The following CDKL5 variants were observed in gnomAD, a reference collection of about 807,000 sequenced individuals.
CDKL5 encodes cyclin-dependent kinase-like 5.
CDKL5 carries 8 observed loss-of-function variants against 61.7 expected under a neutral mutation model. The observed-to-expected ratio is 0.13, with a 90% CI of 0.08 to 0.23. The LOEUF (loss-of-function observed/expected upper bound fraction) is 0.23, where lower values mean the gene tolerates loss of function less well. Among genes scored for constraint, CDKL5 ranks in the 10% least tolerant of loss-of-function variants. CDKL5 has a pLI of 1.00. For missense variants in CDKL5, 440 were observed against 734.5 expected, an observed-to-expected ratio of 0.60 and a Z score of 4.63; for synonymous variants, 275 against 272.3, an observed-to-expected ratio of 1.01 and a Z score of -0.10.
intron 1 of CDKL5, among the ~76,000 whole-genome samples, chrX:18,464,042 A>T (rs988927820): frequency 9.3e-6 from 1 of 107,491 alleles, no homozygotes; most frequent in South Asian, 4.0e-4. Flanking sequence ...TTTTTTTTTT[A>T]AAGAAATTAT....
Position 18,604,961 on chromosome X carries a change from A to AT in CDKL5, c.1944+93_1944+94insT, listed in dbSNP as rs199988024. 10,415 of 1,019,306 alleles carry AT rather than the reference A, an allele frequency of 0.01. 579 individuals carry two copies. The African/African-American group carries it at 0.17, about 16-fold the overall frequency. 84.0% of individuals were successfully genotyped at this position (1,019,306 alleles called of 1,213,427 possible). On this transcript the variant is annotated intron_variant, in intron 12 of 17. Transcript: ENST00000623535. ...GGGTCCATCTACTATTTTCCCTACT[A>AT]CAGGAGGTTGTGCTTTTCTTGATAG...
rs2147180336 is a variant in CDKL5 at position 18,630,402 on chromosome X, G to A, written c.*1645G>A. 1.3e-6 allele frequency: 1 copy of A among 749,764 alleles called. No homozygotes were observed. The highest frequency in any genetic ancestry group is 1.6e-6 in the Non-Finnish European group (1 of 637,524). The allele number at this position is 749,764 out of a possible 1,213,427, so 61.8% of individuals were successfully genotyped here. ...GTCTCTGAGCAATAATACTTTTAAA[G>A]GTCCCTCCCACCCCTCAAAGAGATA... On this transcript the variant is annotated 3_prime_UTR_variant, in exon 18 of 18. Transcript: ENST00000623535.
At chrX:18,556,163 T>C (rs1924595313) in intron 3 of CDKL5, among the ~76,000 whole-genome samples, 1 of 112,178 alleles carries the variant, frequency 8.9e-6, no homozygotes. Flanking sequence ...ACTTTTGGAC[T>C]AAGTTATTTT....
chrX:18,584,381 C>T, intron 8 of CDKL5, 28 bp downstream of exon 8: 1 of 910,763 alleles, frequency 1.1e-6, no homozygotes, highest in East Asian at 3.1e-5. Context: ...AATAGAATGA[C>T]ATTTCCACAT....
At chrX:18,507,688 C>T (rs1411602331) in intron 2 of CDKL5, among the ~76,000 whole-genome samples, 1 of 110,997 alleles carries the variant, frequency 9.0e-6, no homozygotes, top group Non-Finnish European at 1.9e-5. Flanking sequence ...TCTCCTGCCT[C>T]AGCCTCCTGA....
rs2147186088 is a variant in CDKL5, at chrX:18,638,846, G to A, written c.*10089G>A. On this transcript the variant is annotated 3_prime_UTR_variant, in exon 18 of 18. Coordinates refer to ENST00000623535, the MANE Select transcript of CDKL5 (RefSeq NM_001323289.2). ...CTACAAAGCTACAATAATGAAGAAA[G>A]TGAGGTAATAGAATTTGGAGTCCAG... is the stretch of plus-strand genomic sequence containing the variant. Among the ~76,000 whole-genome samples the A allele has an allele frequency of 8.9e-6, 1 of 112,202 alleles. No homozygotes were observed. The highest frequency in any genetic ancestry group is 3.2e-5 in the African/African-American group (1 of 30,960).
chrX:18,518,141 T>TA (rs911159674), intron 3 of CDKL5, among the ~76,000 whole-genome samples: 41 of 110,263 alleles, frequency 3.7e-4, no homozygotes, highest in Admixed American at 2.6e-3. Flanking sequence ...CATTTTAATT[T>TA]AAAAAAAATC....
intron 3 of CDKL5, among the ~76,000 whole-genome samples, chrX:18,534,490 A>T (rs2147111333): frequency 9.0e-6 from 1 of 111,649 alleles, no homozygotes; most frequent in African/African-American, 3.3e-5. Flanking sequence ...TGCACTTTTA[A>T]TTATTGTTTC....
At chrX:18,615,663 T>G (rs865904997) in intron 15 of CDKL5, among the ~76,000 whole-genome samples, 3 of 111,915 alleles carry the variant, frequency 2.7e-5, no homozygotes, top group Non-Finnish European at 5.6e-5. Flanking sequence ...AGTGACTGAC[T>G]GCCTCAGCCT....
rs144242502 is a variant in CDKL5 at position 18,554,518 on chromosome X, T to C, written c.100-9959T>C. Among the ~76,000 whole-genome samples, 406 of 105,418 alleles carry C rather than the reference T, an allele frequency of 3.9e-3. 1 individual carries two copies. Among genetic ancestry groups the C allele is most frequent in the Non-Finnish European group, 6.3e-3 (325 of 51,516 alleles). 91.5% of individuals were successfully genotyped at this position (105,418 alleles called of 115,157 possible). A position where few individuals can be genotyped will look rare whatever the true frequency, so the allele number is the denominator to read the frequency against. On this transcript the variant is annotated intron_variant, in intron 3 of 17. Coordinates refer to ENST00000623535, the MANE Select transcript of CDKL5 (RefSeq NM_001323289.2). Reference sequence around the variant, plus strand: ...GCAACCTCCACCTTGCGGGTTCAAGTAATTCTTCTGCCTCAGCCTCCCAAG... The same window carrying C: ...GCAACCTCCACCTTGCGGGTTCAAGCAATTCTTCTGCCTCAGCCTCCCAAG...
chrX:18,650,625 C>T, intron 21 of CDKL5: 1 of 1,199,171 alleles, frequency 8.3e-7, no homozygotes, highest in Non-Finnish European at 1.1e-6. Flanking sequence ...TGGGGCTCAG[C>T]CTGGGCTGTA....
intron 17 of CDKL5, among the ~76,000 whole-genome samples, chrX:18,625,668 T>C (rs960738546): frequency 4.5e-5 from 5 of 112,061 alleles, no homozygotes; most frequent in Non-Finnish European, 9.4e-5. Flanking sequence ...AAGACAGGTA[T>C]GATAAGTTTT....
chrX:18,492,089 G>T (rs1457088733), intron 1 of CDKL5, among the ~76,000 whole-genome samples: 1 of 111,304 alleles, frequency 9.0e-6, no homozygotes, highest in Non-Finnish European at 1.9e-5. Context: ...TTTCCAATTT[G>T]ATATATATTC....
intron 3 of CDKL5, among the ~76,000 whole-genome samples, chrX:18,541,441 T>G (rs1296699125): frequency 1.8e-5 from 2 of 112,619 alleles, no homozygotes; most frequent in Non-Finnish European, 3.7e-5. Flanking sequence ...TCCTCTGTTT[T>G]CTCCATTCTG....
intron 1 of CDKL5, chrX:18,442,202 T>C (rs1931761044): frequency 1.8e-5 from 2 of 111,180 alleles, no homozygotes; most frequent in African/African-American, 6.5e-5. Context: ...CAGGACTCTT[T>C]AGAGCTCTGA....
rs751039556 is a variant in CDKL5, at chrX:18,448,414, A to G, written c.-163+22719A>G. On this transcript the variant is annotated intron_variant, in intron 1 of 17. Coordinates refer to ENST00000623535, the MANE Select transcript of CDKL5 (RefSeq NM_001323289.2). Reference sequence around the variant, plus strand: ...TGCCCACCCACCTCTCCAACCTCACATCATCTCTCTTCTGCCTCATACGCT... The same window carrying G: ...TGCCCACCCACCTCTCCAACCTCACGTCATCTCTCTTCTGCCTCATACGCT... 2.7e-5 allele frequency among the ~76,000 whole-genome samples: 3 copies of G among 111,733 alleles called. No homozygotes were observed. The East Asian group carries it at 8.5e-4, about 32-fold the overall frequency.
chrX:18,626,737 C>T (rs1254914964), intron 17 of CDKL5: 1 of 46,263 alleles, frequency 2.2e-5, no homozygotes, highest in Non-Finnish European at 4.0e-5. Flanking sequence ...CCCTCTCTCC[C>T]CCCCCCTCCC....
At chrX:18,621,582 C>T (rs1489009723) in intron 16 of CDKL5, among the ~76,000 whole-genome samples, 1 of 111,049 alleles carries the variant, frequency 9.0e-6, no homozygotes, top group Admixed American at 9.6e-5. Context: ...TAAATTAGAG[C>T]AATCCTTTTA....
chrX:18,437,617 A>G (rs1393932938), intron 1 of CDKL5, among the ~76,000 whole-genome samples: 1 of 112,279 alleles, frequency 8.9e-6, no homozygotes, highest in Non-Finnish European at 1.9e-5. Flanking sequence ...AAATTTTGTT[A>G]CTATTGTATA....
Sources: gnomAD v4.1 joint callset for allele counts (sites outside exome capture counted in the v4.1 genomes callset) on GRCh38, gnomAD v4.1.1 for gene constraint, MANE v1.5 for transcripts, NCBI Gene and HGNC (gene_info 2026-07-23, HGNC 2026-07-21) for gene names.